Variants in CCDC60 observed in about 807,000 individuals in gnomAD.
CCDC60 encodes coiled-coil domain containing 60, also known as coiled-coil domain-containing protein 60.
In CCDC60, 54 loss-of-function variants were observed where a neutral mutation model predicts 63.5. That is an observed-to-expected ratio of 0.85 (90% confidence interval 0.68 to 1.07). The LOEUF (loss-of-function observed/expected upper bound fraction) is 1.07, where lower values mean the gene tolerates loss of function less well. Among genes scored for constraint, CCDC60 ranks in the 50% least tolerant of loss-of-function variants. The pLI is 0.00. For missense variants in CCDC60, 651 were observed against 684.3 expected (o/e 0.95, Z 0.54); for synonymous variants, 206 against 238.8 (o/e 0.86, Z 1.27).
intron 7 of CCDC60, among the ~76,000 whole-genome samples, chr12:119,513,892 A>G (rs1165587200): frequency 2.0e-5 from 3 of 152,230 alleles, no homozygotes; most frequent in Non-Finnish European, 2.9e-5. Context: ...ACTGGTTTAT[A>G]TAAGTACTAC....
At chr12:119,522,905 C>G (rs1566060937) in intron 9 of CCDC60, 34 bp from the exon 10 acceptor site, 1 of 1,610,672 alleles carries the variant, frequency 6.2e-7, no homozygotes, top group Non-Finnish European at 8.5e-7. Context: ...AAAGCAGACT[C>G]TGAGCAACTT....
rs1440645914 is a variant in CCDC60 at position 119,456,138 on chromosome 12, C to T, written c.171-15856C>T. On this transcript the variant is annotated intron_variant, in intron 2 of 13. Coordinates refer to ENST00000327554, the MANE Select transcript of CCDC60 (RefSeq NM_178499.5). This position sits in a 1 kb window ranked among gnomAD's most constrained non-coding sequence, Gnocchi z 4.6. Reference sequence around the variant, plus strand: ...CAGGGTGAATGGTTAGAGATAAATCCCAGATCTTAGAGGACATTGCTAGGA... The same window carrying T: ...CAGGGTGAATGGTTAGAGATAAATCTCAGATCTTAGAGGACATTGCTAGGA... 5.3e-5 allele frequency among the ~76,000 whole-genome samples: 8 copies of T among 151,684 alleles called. No homozygotes were observed. Among genetic ancestry groups the T allele is most frequent in the Admixed American group, 4.6e-4 (7 of 15,260 alleles).
chr12:119,448,970 C>G (rs573244175), intron 2 of CCDC60, among the ~76,000 whole-genome samples: 1 of 152,074 alleles, frequency 6.6e-6, no homozygotes, highest in East Asian at 1.9e-4. Context: ...ACCTTTTAAC[C>G]ACATAGAAGT....
intron 3 of CCDC60, among the ~76,000 whole-genome samples, chr12:119,475,365 C>T (rs1477772237): frequency 2.0e-5 from 3 of 152,116 alleles, no homozygotes; most frequent in Non-Finnish European, 2.9e-5. Context: ...CATCCATGGT[C>T]GTAGAACGCA....
At chr12:119,436,178 T>G (rs532594543) in intron 2 of CCDC60, among the ~76,000 whole-genome samples, 2 of 152,256 alleles carry the variant, frequency 1.3e-5, no homozygotes, top group African/African-American at 4.8e-5. Flanking sequence ...ACACTACAAA[T>G]GATGGAGATT....
At chr12:119,466,839 G>T (rs904602916) in intron 2 of CCDC60, among the ~76,000 whole-genome samples, 1 of 152,146 alleles carries the variant, frequency 6.6e-6, no homozygotes, top group Admixed American at 6.5e-5. Flanking sequence ...TAGGAGGTGG[G>T]ACTTAACACC....
intron 2 of CCDC60, among the ~76,000 whole-genome samples, chr12:119,436,451 T>C (rs1353460815): frequency 6.6e-6 from 1 of 151,700 alleles, no homozygotes; most frequent in African/African-American, 2.4e-5. Flanking sequence ...ATGCTTTAAA[T>C]TAAGGAAAGA....
At chr12:119,396,457 A>T (rs2136209675) in intron 1 of CCDC60, among the ~76,000 whole-genome samples, 1 of 152,224 alleles carries the variant, frequency 6.6e-6, no homozygotes, top group African/African-American at 2.4e-5. Context: ...ATCCCAAAAG[A>T]GGAGGAATGG....
intron 1 of CCDC60, among the ~76,000 whole-genome samples, chr12:119,362,822 C>A (rs765144980): frequency 2.3e-4 from 35 of 152,140 alleles, no homozygotes; most frequent in Non-Finnish European, 4.1e-4. Flanking sequence ...GAAACTGGCC[C>A]ACAAGGTGGC....
chr12:119,352,999 C>T (rs1955672721), intron 1 of CCDC60, among the ~76,000 whole-genome samples: 1 of 151,990 alleles, frequency 6.6e-6, no homozygotes, highest in African/African-American at 2.4e-5. Context: ...GATGCTCATA[C>T]AGCTTTTATG....
At chr12:119,365,111 G>A (rs374226806) in intron 1 of CCDC60, among the ~76,000 whole-genome samples, 1 of 152,182 alleles carries the variant, frequency 6.6e-6, no homozygotes, top group Non-Finnish European at 1.5e-5. Context: ...TTTTATGAAC[G>A]ATGAATCAGA....
chr12:119,430,183 CACACACACACACACACACAT>C (rs1221934597), intron 2 of CCDC60, among the ~76,000 whole-genome samples: 1 of 151,374 alleles, frequency 6.6e-6, no homozygotes, highest in African/African-American at 2.4e-5. Flanking sequence ...TACACACACA[CACACACACACACACACACAT>C]ACACACACAC....
At chr12:119,439,064 T>C (rs1950382429) in intron 2 of CCDC60, among the ~76,000 whole-genome samples, 1 of 141,486 alleles carries the variant, frequency 7.1e-6, no homozygotes, top group South Asian at 2.2e-4. Context: ...TCCTGGACCA[T>C]GAGAATACAT....
At chr12:119,423,056 G>C (rs1222991327) in intron 1 of CCDC60, among the ~76,000 whole-genome samples, 1 of 152,156 alleles carries the variant, frequency 6.6e-6, no homozygotes, top group African/African-American at 2.4e-5. Context: ...GGAGTATAAA[G>C]ACCTAACAGT....
At chr12:119,516,462 A>G (rs1211369201) in intron 7 of CCDC60, among the ~76,000 whole-genome samples, 161 bp from the exon 8 acceptor site, 1 of 152,200 alleles carries the variant, frequency 6.6e-6, no homozygotes, top group Non-Finnish European at 1.5e-5. Context: ...AACATGCCCA[A>G]CACTATCAGC....
intron 1 of CCDC60, among the ~76,000 whole-genome samples, chr12:119,372,566 C>T (rs754124405): frequency 5.9e-5 from 9 of 152,158 alleles, no homozygotes; most frequent in African/African-American, 9.7e-5. Flanking sequence ...AAATCCCCCA[C>T]ATTATGGAAG....
intron 3 of CCDC60, among the ~76,000 whole-genome samples, chr12:119,477,515 A>G (rs969476433): frequency 6.6e-6 from 1 of 152,222 alleles, no homozygotes; most frequent in Non-Finnish European, 1.5e-5. Flanking sequence ...GAGAGGCTGC[A>G]TCTGTTTCAT....
intron 1 of CCDC60, among the ~76,000 whole-genome samples, chr12:119,399,239 TG>T (rs1956342891): frequency 6.6e-6 from 1 of 152,172 alleles, no homozygotes; most frequent in African/African-American, 2.4e-5. Context: ...GATGACAGAC[TG>T]GGGTCACCCT....
chr12:119,446,243 T>C (rs1950540229), intron 2 of CCDC60, among the ~76,000 whole-genome samples: 1 of 152,204 alleles, frequency 6.6e-6, no homozygotes, highest in South Asian at 2.1e-4. Context: ...TCTGAATCTC[T>C]ATCCTTGCTC....
Sources: allele counts gnomAD v4.1 joint callset (sites outside exome capture counted in the v4.1 genomes callset), GRCh38; gene constraint gnomAD v4.1.1; non-coding constraint Gnocchi (gnomAD v3.1); transcripts MANE v1.5; gene names NCBI Gene and HGNC (gene_info 2026-07-23, HGNC 2026-07-21).